Variants in PIK3CA observed in about 807,000 individuals in gnomAD.
The protein encoded by PIK3CA is phosphatidylinositol-4,5-bisphosphate 3-kinase catalytic subunit alpha.
A neutral mutation model predicts 138.2 loss-of-function variants in PIK3CA; 27 were observed. The observed-to-expected ratio is 0.20, with a 90% CI of 0.14 to 0.27. The LOEUF (loss-of-function observed/expected upper bound fraction) is 0.27. Among genes scored for constraint, PIK3CA ranks in the 10% least tolerant of loss-of-function variants. The pLI, the probability that PIK3CA is intolerant of heterozygous loss-of-function variation, is 1.00. For synonymous variants in PIK3CA, 358 were observed against 413.2 expected (o/e 0.87, Z 1.62); for missense variants, 544 against 1,277.4 (o/e 0.43, Z 8.75).
At chr3:179,203,901 A>G (rs1724488873) in intron 5 of PIK3CA, 112 bp downstream of exon 5, 2 of 713,654 alleles carry the variant, frequency 2.8e-6, no homozygotes, top group South Asian at 2.3e-5. Flanking sequence ...TGGTTAGGAG[A>G]ACATCCAAAT....
At chr3:179,204,852 C>G (rs561599697) in intron 6 of PIK3CA, among the ~76,000 whole-genome samples, 1 of 151,346 alleles carries the variant, frequency 6.6e-6, no homozygotes, top group Non-Finnish European at 1.5e-5. Flanking sequence ...AACCCCATCT[C>G]TACTAAAAAT....
At chr3:179,218,372 T>G in intron 10 of PIK3CA, 38 bp downstream of exon 10, 3 of 1,538,700 alleles carry the variant, frequency 1.9e-6, no homozygotes, top group Non-Finnish European at 2.6e-6. Context: ...TTCTTTTTCT[T>G]TATTACAGAA....
chr3:179,170,198 G>A (rs375023579), intron 1 of PIK3CA, among the ~76,000 whole-genome samples: 16 of 152,212 alleles, frequency 1.1e-4, no homozygotes, highest in Admixed American at 1.3e-4. Context: ...TGAAAGACTC[G>A]CATTGTCATT....
chr3:179,182,648 A>G (rs9841051), intron 1 of PIK3CA, among the ~76,000 whole-genome samples: 44,511 of 151,898 alleles, frequency 0.29, 7,534 homozygotes, highest in African/African-American at 0.47. Context: ...TCCAGCCTGG[A>G]TAACTGAGAG....
intron 1 of PIK3CA, among the ~76,000 whole-genome samples, chr3:179,191,508 T>G (rs1435811921): frequency 6.6e-6 from 1 of 152,246 alleles, no homozygotes; most frequent in Admixed American, 6.5e-5. Context: ...TTTGCATTGC[T>G]CAGGCTGCCA....
chr3:179,231,553 ATGT>A (rs139689331), intron 20 of PIK3CA, among the ~76,000 whole-genome samples: 27,778 of 144,612 alleles, frequency 0.19, 2,872 homozygotes, highest in Non-Finnish European at 0.25. Context: ...ATGATTAATG[ATGT>A]TGAGCATTTT....
chr3:179,223,812 C>T (rs1725021030), intron 14 of PIK3CA, among the ~76,000 whole-genome samples: 1 of 152,138 alleles, frequency 6.6e-6, no homozygotes, highest in Non-Finnish European at 1.5e-5. Flanking sequence ...GTTGACTAGC[C>T]CTGCTCTACA....
intron 1 of PIK3CA, among the ~76,000 whole-genome samples, chr3:179,164,274 C>T (rs2108357324): frequency 6.6e-6 from 1 of 152,288 alleles, no homozygotes. Flanking sequence ...CATCATTCAT[C>T]TGTGCACCGC....
At chr3:179,170,461 G>A (rs1035105283) in intron 1 of PIK3CA, among the ~76,000 whole-genome samples, 1 of 152,094 alleles carries the variant, frequency 6.6e-6, no homozygotes, top group Non-Finnish European at 1.5e-5. Flanking sequence ...ATTTTTAATT[G>A]TATTAGTATA....
At chr3:179,183,801 A>G (rs186787595) in intron 1 of PIK3CA, among the ~76,000 whole-genome samples, 1 of 152,348 alleles carries the variant, frequency 6.6e-6, no homozygotes, top group East Asian at 1.9e-4. Flanking sequence ...AAGTATTTAT[A>G]TGGCAAACAA....
chr3:179,155,050 G>A (rs1723100236), intron 1 of PIK3CA, among the ~76,000 whole-genome samples: 1 of 152,138 alleles, frequency 6.6e-6, no homozygotes, highest in Non-Finnish European at 1.5e-5. Flanking sequence ...AATCAGTGTT[G>A]TGATGTGAAG....
intron 1 of PIK3CA, among the ~76,000 whole-genome samples, chr3:179,161,352 CT>C (rs1358144239): frequency 3.3e-5 from 5 of 152,134 alleles, no homozygotes; most frequent in African/African-American, 1.2e-4. Flanking sequence ...ATTGAATTTC[CT>C]TTAGCACATC....
chr3:179,217,602 C>G (rs1281051901), intron 9 of PIK3CA, among the ~76,000 whole-genome samples: 1 of 151,904 alleles, frequency 6.6e-6, no homozygotes, highest in Non-Finnish European at 1.5e-5. Flanking sequence ...TTATTCATTA[C>G]ACAGTTAATA....
intron 1 of PIK3CA, among the ~76,000 whole-genome samples, chr3:179,189,213 CAAAAAAAAAGT>C (rs1560133799): frequency 6.7e-6 from 1 of 149,104 alleles, no homozygotes; most frequent in Non-Finnish European, 1.5e-5. Context: ...GACTCCATCT[CAAAAAAAAAGT>C]AAAAATAAAA....
chr3:179,231,799 C>T (rs1725219790), intron 20 of PIK3CA, among the ~76,000 whole-genome samples: 1 of 151,782 alleles, frequency 6.6e-6, no homozygotes, highest in Non-Finnish European at 1.5e-5. Flanking sequence ...CATGCCACCA[C>T]ACACGGCTAA....
rs2108412358 is a variant in PIK3CA, at chr3:179,220,105, C to T, written c.2015+53C>T. The stretch of plus-strand genomic sequence containing the variant: ...TCTTAAGGTACATATTACTTGCTTT[C>T]TTAATAGATTTATAAATATGTATTA... On this transcript the variant is annotated intron_variant, in intron 13 of 20. Coordinates refer to ENST00000263967, the MANE Select transcript of PIK3CA (RefSeq NM_006218.4). The surrounding 1 kb of genome is among the most constrained non-coding windows in gnomAD (Gnocchi z 4.1). 2 of 1,235,512 alleles carry T rather than the reference C, an allele frequency of 1.6e-6. No individual in the cohort carries two copies. The highest frequency in any genetic ancestry group is 1.5e-5 in the South Asian group (1 of 68,034). The allele number at this position is 1,235,512 out of a possible 1,614,324, so 76.5% of individuals were successfully genotyped here.
chr3:179,239,929 A>G lies in PIK3CA; in HGVS notation c.*5565A>G. ...ATTGAGAATATAGAATAATAACAGT[A>G]TCACTAAATTTAAGACCTCTTCCCA... On this transcript the variant is annotated 3_prime_UTR_variant, in exon 21 of 21. Coordinates refer to ENST00000263967, the MANE Select transcript of PIK3CA (RefSeq NM_006218.4). The G allele has an allele frequency of 1.1e-6, 1 of 901,052 alleles. No homozygotes were observed. Among genetic ancestry groups the G allele is most frequent in the Non-Finnish European group, 1.7e-6 (1 of 572,210 alleles). The allele number at this position is 901,052 out of a possible 1,614,324, so 55.8% of individuals were successfully genotyped here.
chr3:179,233,836 T>C (rs557803929), intron 20 of PIK3CA, among the ~76,000 whole-genome samples: 5 of 152,314 alleles, frequency 3.3e-5, no homozygotes, highest in East Asian at 3.9e-4. Flanking sequence ...TTAATACTTA[T>C]TAAACTCCTG....
chr3:179,165,877 C>T (rs976629864), intron 1 of PIK3CA, among the ~76,000 whole-genome samples: 14 of 152,144 alleles, frequency 9.2e-5, no homozygotes, highest in Non-Finnish European at 4.4e-5. Context: ...TCTTGGTACA[C>T]TATCTTCAGC....
Sources: allele counts gnomAD v4.1 joint callset (sites outside exome capture counted in the v4.1 genomes callset), GRCh38; gene constraint gnomAD v4.1.1; non-coding constraint Gnocchi (gnomAD v3.1); transcripts MANE v1.5; gene names NCBI Gene and HGNC (gene_info 2026-07-23, HGNC 2026-07-21).